Variants in DYNC1I2 observed in about 807,000 individuals in gnomAD.
The protein encoded by DYNC1I2 is cytoplasmic dynein 1 intermediate chain 2.
A neutral mutation model predicts 88.6 loss-of-function variants in DYNC1I2; 53 were observed. The ratio of observed to expected loss-of-function variants is 0.60; its 90% CI spans 0.48 to 0.75. DYNC1I2 has a LOEUF of 0.75. Ranked by LOEUF, DYNC1I2 falls within the 30% of genes least tolerant of loss-of-function variation. DYNC1I2 has a pLI of 0.00. For missense variants in DYNC1I2, 458 were observed against 766.6 expected (o/e 0.60, Z 4.75); for synonymous variants, 198 against 254.6 (o/e 0.78, Z 2.12).
chr2:171,693,090 A>T, intron 3 of DYNC1I2, 196 bp downstream of exon 3: 2 of 541,288 alleles, frequency 3.7e-6, no homozygotes, highest in East Asian at 6.6e-5. Flanking sequence ...GAGCTGCAAG[A>T]GTAATTATTA....
chr2:171,703,416 CAG>C (rs61279344), intron 3 of DYNC1I2, among the ~76,000 whole-genome samples: 40,259 of 151,862 alleles, frequency 0.27, 5,440 homozygotes, highest in African/African-American at 0.3. Context: ...TTTGTAGAGA[CAG>C]AGTCTTGTTA....
At chr2:171,747,486 C>G (rs1392856133) in intron 17 of DYNC1I2, among the ~76,000 whole-genome samples, 1 of 151,942 alleles carries the variant, frequency 6.6e-6, no homozygotes, top group Non-Finnish European at 1.5e-5. Context: ...CAGCAAAATC[C>G]ATGAGATGGT....
Position 171,727,078 on chromosome 2 carries a change from A to T in DYNC1I2, c.996+162A>T, listed in dbSNP as rs117676565. ...AACAGATGTTAACAGAAAACTGAAG[A>T]CTTCTCAGTTCAACATGATCTGCCT... is the stretch of plus-strand genomic sequence containing the variant. On this transcript the variant is annotated intron_variant, in intron 11 of 17. Coordinates refer to ENST00000397119, the MANE Select transcript of DYNC1I2 (RefSeq NM_001378.3). 1.5e-4 allele frequency among the ~76,000 whole-genome samples: 23 copies of T among 152,296 alleles called. No homozygotes were observed. The East Asian group carries it at 3.1e-3, about 20-fold the overall frequency.
chr2:171,699,193 G>C (rs1009421051), intron 3 of DYNC1I2, among the ~76,000 whole-genome samples: 18 of 152,222 alleles, frequency 1.2e-4, no homozygotes, highest in African/African-American at 4.3e-4. Flanking sequence ...TGTAATCCCA[G>C]CTACTCTGGA....
chr2:171,704,496 A>G (rs1320153113), intron 3 of DYNC1I2, among the ~76,000 whole-genome samples: 1 of 152,162 alleles, frequency 6.6e-6, no homozygotes, highest in African/African-American at 2.4e-5. Context: ...TAGGCTGTTT[A>G]TGTGCAGAAC....
chr2:171,731,116 C>T (rs1688575618), intron 15 of DYNC1I2, among the ~76,000 whole-genome samples: 1 of 152,214 alleles, frequency 6.6e-6, no homozygotes, highest in African/African-American at 2.4e-5. Context: ...TTCTCTTTTA[C>T]CTCTTAATGG....
rs976994349 is a variant in DYNC1I2 at position 171,722,963 on chromosome 2, G to C, written c.512-2655G>C. Among the ~76,000 whole-genome samples, 23 of 152,256 alleles carry C rather than the reference G, an allele frequency of 1.5e-4. 1 individual carries two copies. The highest frequency in any genetic ancestry group is 5.5e-4 in the African/African-American group (23 of 41,544). ...TTAAATAGTTGATACTCATGATTCAGCTACAACTGAAATAATTTATATGGA... is the reference window on the plus strand; with the variant it reads ...TTAAATAGTTGATACTCATGATTCACCTACAACTGAAATAATTTATATGGA... On this transcript the variant is annotated intron_variant, in intron 7 of 17. Transcript: ENST00000397119.
intron 15 of DYNC1I2, among the ~76,000 whole-genome samples, chr2:171,738,500 G>A (rs2105757236): frequency 6.6e-6 from 1 of 152,126 alleles, no homozygotes; most frequent in East Asian, 1.9e-4. Flanking sequence ...CCATTCTACT[G>A]CTGATGGTAT....
chr2:171,722,344 C>T (rs1687954442), intron 7 of DYNC1I2, among the ~76,000 whole-genome samples: 1 of 152,124 alleles, frequency 6.6e-6, no homozygotes, highest in Non-Finnish European at 1.5e-5. Flanking sequence ...AGAGATTTGT[C>T]ATTTTAAAAG....
chr2:171,707,495 C>A, intron 5 of DYNC1I2, 118 bp downstream of exon 5: 1 of 807,818 alleles, frequency 1.2e-6, no homozygotes, highest in Non-Finnish European at 1.8e-6. Context: ...ATTTTAAAAT[C>A]TAAAATGGCA....
intron 12 of DYNC1I2, 28 bp from the exon 13 acceptor site, chr2:171,728,277 C>T (rs757836457): frequency 1.5e-6 from 2 of 1,371,332 alleles, no homozygotes; most frequent in Admixed American, 2.7e-5. Context: ...GTACAATAAT[C>T]CCTGAAAACT....
intron 3 of DYNC1I2, among the ~76,000 whole-genome samples, chr2:171,697,777 G>C (rs1685892785): frequency 6.6e-6 from 1 of 151,728 alleles, no homozygotes; most frequent in African/African-American, 2.4e-5. Context: ...AGGATCAATT[G>C]AGTTTGCAAG....
At chr2:171,733,807 C>T (rs572811868) in intron 15 of DYNC1I2, among the ~76,000 whole-genome samples, 1 of 150,302 alleles carries the variant, frequency 6.7e-6, no homozygotes, top group Non-Finnish European at 1.5e-5. Context: ...TTAATTGGAT[C>T]CCATTCGTCA....
In DYNC1I2 at chr2:171,692,829, A is replaced by G. The variant is rs1430810039; in HGVS notation, c.161A>G (p.Glu54Gly). The G allele has an allele frequency of 1.3e-6, 2 of 1,593,276 alleles. No homozygotes were observed. The highest frequency in any genetic ancestry group is 1.7e-6 in the Non-Finnish European group (2 of 1,167,656). Residue 54 changes from glutamate to glycine, a missense_variant, in exon 3 of 18, where the codon GAA becomes GGA. Glu to Gly is a moderately conservative substitution (Grantham distance 98). Around this residue, in one of 5 missense-constraint regions of DYNC1I2, gnomAD observed 55 missense variants for 57.1 expected, o/e 0.96. Transcript: ENST00000397119. ...CCTGTGCAAGAAGAATCAGATCTTG[A>G]AAAAAAAAGGAGAGAAGCTGAAGCA... is the stretch of plus-strand genomic sequence containing the variant. Reference protein sequence around the residue: ...VAPVQEESDLEKKRREAEALL... With the variant: ...VAPVQEESDLGKKRREAEALL...
At chr2:171,723,489 T>C (rs1377555989) in intron 7 of DYNC1I2, among the ~76,000 whole-genome samples, 1 of 152,220 alleles carries the variant, frequency 6.6e-6, no homozygotes, top group East Asian at 1.9e-4. Flanking sequence ...TTAAACTATT[T>C]TGTTACATTA....
rs191300314 is a variant in DYNC1I2, at chr2:171,697,424, C to G, written c.226+4530C>G. On this transcript the variant is annotated intron_variant, in intron 3 of 17. Coordinates refer to ENST00000397119, the MANE Select transcript of DYNC1I2 (RefSeq NM_001378.3). ...GGCCAATTGGTTTGTAGACTGTCTC[C>G]CCTCCTGGGTTTGTCTGATGGCATT... Among the ~76,000 whole-genome samples, 183 of 152,232 alleles carry G rather than the reference C, an allele frequency of 1.2e-3. 2 individuals are homozygous for G. Among genetic ancestry groups the G allele is most frequent in the African/African-American group, 4.2e-3 (173 of 41,544 alleles).
In DYNC1I2 at chr2:171,726,176, T is replaced by C. The variant is rs752995751; in HGVS notation, c.771-18T>C. Reference sequence around the variant, plus strand: ...GTTATAACACCATCTTTTTGGGGGGTTTGGTCTTTTTTTGTAGAGAGATTC... The same window carrying C: ...GTTATAACACCATCTTTTTGGGGGGCTTGGTCTTTTTTTGTAGAGAGATTC... On this transcript the variant is annotated intron_variant, in intron 9 of 17. Transcript: ENST00000397119. 75 of 1,596,732 alleles carry C rather than the reference T, an allele frequency of 4.7e-5. 1 individual carries two copies. In the South Asian group the frequency reaches 8.1e-4, roughly 17 times the overall value.
chr2:171,729,582 T>G, intron 14 of DYNC1I2, 127 bp from the exon 15 acceptor site: 1 of 951,160 alleles, frequency 1.1e-6, no homozygotes, highest in Non-Finnish European at 1.6e-6. Context: ...TTCTGATAAG[T>G]TATGAGCACA....
intron 15 of DYNC1I2, among the ~76,000 whole-genome samples, chr2:171,733,323 C>T (rs1404114308): frequency 6.6e-6 from 1 of 152,062 alleles, no homozygotes; most frequent in Non-Finnish European, 1.5e-5. Flanking sequence ...GGTATATACC[C>T]AGTAATGGGA....
Sources: allele counts gnomAD v4.1 joint callset (sites outside exome capture counted in the v4.1 genomes callset), GRCh38; gene constraint gnomAD v4.1.1; regional missense constraint gnomAD v4.1.1; transcripts MANE v1.5; gene names NCBI Gene and HGNC (gene_info 2026-07-23, HGNC 2026-07-21).